The following BTBD10 variants were observed in gnomAD, a reference collection of about 807,000 sequenced individuals.
BTBD10 encodes BTB domain containing 10, also known as BTB/POZ domain-containing protein 10.
A neutral mutation model predicts 53.2 loss-of-function variants in BTBD10; 21 were observed. The observed-to-expected ratio is 0.39, with a 90% CI of 0.28 to 0.57. The LOEUF (loss-of-function observed/expected upper bound fraction) is 0.57. Among genes scored for constraint, BTBD10 ranks in the 20% least tolerant of loss-of-function variants. The probability of loss-of-function intolerance (pLI) is 0.53; values close to 1 mark genes in which losing one functional copy is unlikely to be tolerated. For missense variants in BTBD10, 360 were observed against 594.7 expected (o/e 0.61, Z 4.10); for synonymous variants, 149 against 192.7 (o/e 0.77, Z 1.88).
intron 1 of BTBD10, among the ~76,000 whole-genome samples, chr11:13,448,822 T>A (rs748218811): frequency 1.3e-5 from 2 of 152,158 alleles, no homozygotes; most frequent in Admixed American, 6.5e-5. Flanking sequence ...GGCACTTGAA[T>A]CCCCAATGTC....
chr11:13,412,722 T>C (rs1949988670), intron 6 of BTBD10, among the ~76,000 whole-genome samples: 2 of 152,234 alleles, frequency 1.3e-5, no homozygotes, highest in African/African-American at 4.8e-5. Context: ...CATTCTTTAC[T>C]ACGTATTTCC....
chr11:13,445,600 A>G (rs1950737849), intron 1 of BTBD10, among the ~76,000 whole-genome samples: 1 of 152,212 alleles, frequency 6.6e-6, no homozygotes, highest in Non-Finnish European at 1.5e-5. Flanking sequence ...GCATGTAGTA[A>G]AACCAAATAA....
chr11:13,392,352 G>A (rs1591082658), intron 8 of BTBD10, among the ~76,000 whole-genome samples: 1 of 152,110 alleles, frequency 6.6e-6, no homozygotes, highest in East Asian at 1.9e-4. Flanking sequence ...ATTCTAAGGA[G>A]AGAATGGCAT....
At chr11:13,405,915 G>A in intron 6 of BTBD10, 59 bp from the exon 7 acceptor site, 1 of 1,526,094 alleles carries the variant, frequency 6.6e-7, no homozygotes, top group Non-Finnish European at 9.0e-7. Flanking sequence ...AGTTCTTTTA[G>A]AAATATAGAC....
rs573444635 is a variant in BTBD10 at position 13,402,271 on chromosome 11, C to T, written c.1117+897G>A. On this transcript the variant is annotated intron_variant, in intron 8 of 8. Coordinates refer to ENST00000278174, the MANE Select transcript of BTBD10 (RefSeq NM_032320.7). ...TCTCCAACAGTTCAATCAGGTAGGT[C>T]AATGATCAACACTATTATCTTCATT... Among the ~76,000 whole-genome samples the T allele has an allele frequency of 8.5e-5, 13 of 152,300 alleles. No homozygotes were observed. The South Asian group carries it at 2.7e-3, about 32-fold the overall frequency.
At chr11:13,450,104 G>A (rs1950827526) in intron 1 of BTBD10, among the ~76,000 whole-genome samples, 1 of 152,156 alleles carries the variant, frequency 6.6e-6, no homozygotes, top group Admixed American at 6.5e-5. Flanking sequence ...ATAGATAAGA[G>A]AGGGGGAATA....
chr11:13,408,610 T>C (rs1949876248), intron 6 of BTBD10, among the ~76,000 whole-genome samples: 2 of 152,216 alleles, frequency 1.3e-5, no homozygotes, highest in Admixed American at 1.3e-4. Flanking sequence ...AAAATCAAGC[T>C]TTTAGATTTT....
chr11:13,440,192 TA>T, intron 2 of BTBD10: 1 of 1,413,828 alleles, frequency 7.1e-7, no homozygotes, highest in Non-Finnish European at 9.3e-7. Context: ...CAACCCCCTC[TA>T]CATATTAATT....
chr11:13,441,270 A>G (rs937418600), intron 2 of BTBD10, among the ~76,000 whole-genome samples: 1 of 152,136 alleles, frequency 6.6e-6, no homozygotes. Flanking sequence ...CATTCAAAAG[A>G]AAGTTTAAAA....
intron 1 of BTBD10, among the ~76,000 whole-genome samples, chr11:13,457,784 T>C (rs1286009314): frequency 6.6e-6 from 1 of 152,164 alleles, no homozygotes; most frequent in Non-Finnish European, 1.5e-5. Context: ...TATGTAATAT[T>C]CATATGTGTA....
intron 8 of BTBD10, among the ~76,000 whole-genome samples, chr11:13,391,854 G>T (rs575067730): frequency 4.6e-4 from 70 of 152,320 alleles, no homozygotes; most frequent in Non-Finnish European, 4.4e-5. Flanking sequence ...TGAGACAGGA[G>T]AATCACTTGA....
At position 13,398,029 on chromosome 11, in the gene BTBD10, G is replaced by C. The variant is rs938426104; in HGVS notation, c.1117+5139C>G. On this transcript the variant is annotated intron_variant, in intron 8 of 8. Coordinates refer to ENST00000278174, the MANE Select transcript of BTBD10 (RefSeq NM_032320.7). Reference sequence around the variant, plus strand: ...AGAATGTATATTCTGTTGATTTGGGGTGGGGAATTCTGTAGATGTCTATTA... The same window carrying C: ...AGAATGTATATTCTGTTGATTTGGGCTGGGGAATTCTGTAGATGTCTATTA... Among the ~76,000 whole-genome samples, 4 of 152,194 alleles carry C rather than the reference G, an allele frequency of 2.6e-5. No homozygotes were observed. The East Asian group carries it at 7.7e-4, about 29-fold the overall frequency.
At chr11:13,417,053 C>A in intron 5 of BTBD10, 105 bp downstream of exon 5, 4 of 734,514 alleles carry the variant, frequency 5.4e-6, no homozygotes, top group Non-Finnish European at 4.3e-6. Flanking sequence ...AAAACAATAC[C>A]CTGGAATAAC....
intron 6 of BTBD10, among the ~76,000 whole-genome samples, chr11:13,410,293 T>C (rs78784774): frequency 6.6e-6 from 1 of 152,060 alleles, no homozygotes; most frequent in Middle Eastern, 3.2e-3. Flanking sequence ...AGAAAGTAGC[T>C]AACAGTGGAG....
At chr11:13,443,115 G>A (rs977340814) in intron 2 of BTBD10, among the ~76,000 whole-genome samples, 1 of 152,054 alleles carries the variant, frequency 6.6e-6, no homozygotes, top group Non-Finnish European at 1.5e-5. Context: ...GAGTGTGGTG[G>A]TAGCGGTGCA....
intron 1 of BTBD10, among the ~76,000 whole-genome samples, chr11:13,449,296 G>A (rs1329776214): frequency 6.6e-6 from 1 of 152,016 alleles, no homozygotes; most frequent in South Asian, 2.1e-4. Flanking sequence ...TTTCACTATC[G>A]AAGTTCTAGG....
chr11:13,415,371 C>T (rs1463458153), intron 5 of BTBD10, among the ~76,000 whole-genome samples: 2 of 152,160 alleles, frequency 1.3e-5, no homozygotes, highest in Non-Finnish European at 2.9e-5. Context: ...CCGCCTAAAA[C>T]GAATGCTGAG....
chr11:13,435,624 C>G (rs945406153), intron 2 of BTBD10, among the ~76,000 whole-genome samples: 1 of 152,174 alleles, frequency 6.6e-6, no homozygotes, highest in Non-Finnish European at 1.5e-5. Context: ...TCCCAAGTAG[C>G]TGGGACTACA....
chr11:13,453,058 A>G lies in BTBD10; in HGVS notation c.-57-7877T>C, dbSNP rs1193712542. On this transcript the variant is annotated intron_variant, in intron 1 of 8. Coordinates refer to ENST00000278174, the MANE Select transcript of BTBD10 (RefSeq NM_032320.7). The stretch of plus-strand genomic sequence containing the variant: ...AATACATCTCCTTTCTCTCCCTGAC[A>G]TGATACACAGTATTATTTGTCCTAG... 2.6e-5 allele frequency among the ~76,000 whole-genome samples: 4 copies of G among 152,318 alleles called. No individual in the cohort carries two copies. The South Asian group carries it at 8.3e-4, about 32-fold the overall frequency.
Sources: allele counts gnomAD v4.1 joint callset (sites outside exome capture counted in the v4.1 genomes callset), GRCh38; gene constraint gnomAD v4.1.1; transcripts MANE v1.5; gene names NCBI Gene and HGNC (gene_info 2026-07-23, HGNC 2026-07-21).